Variants in CLN6 observed in about 807,000 individuals in gnomAD.
CLN6 encodes the protein ceroid-lipofuscinosis neuronal protein 6.
In CLN6, 22 loss-of-function variants were observed where a neutral mutation model predicts 33.3. The observed-to-expected ratio is 0.66, with a 90% CI of 0.47 to 0.94. CLN6 has a LOEUF of 0.94. Ranked by LOEUF, CLN6 falls within the 40% of genes least tolerant of loss-of-function variation. The probability of loss-of-function intolerance (pLI) is 0.00; values close to 1 mark genes in which losing one functional copy is unlikely to be tolerated. For synonymous variants in CLN6, 201 were observed against 174.6 expected, an observed-to-expected ratio of 1.15 and a Z score of -1.19; for missense variants, 387 against 417.1, an observed-to-expected ratio of 0.93 and a Z score of 0.63.
At chr15:68,244,813 G>A (rs1892313696) in intron 1 of CLN6, among the ~76,000 whole-genome samples, 2 of 152,030 alleles carry the variant, frequency 1.3e-5, no homozygotes, top group Admixed American at 6.6e-5. Flanking sequence ...CAGCACTTTC[G>A]GAGGCCAAGG....
At position 68,227,988 on chromosome 15, in the gene CLN6, G is replaced by C. The variant is rs928359087; in HGVS notation, c.83+1514C>G. On this transcript the variant is annotated intron_variant, in intron 1 of 6. Coordinates refer to ENST00000249806, the MANE Select transcript of CLN6 (RefSeq NM_017882.3). The surrounding 1 kb of genome is among the most constrained non-coding windows in gnomAD (Gnocchi z 4.1). Reference sequence around the variant, plus strand: ...AAGAGGGGAGCTGGTAAATGGGTTGGGTCACAGCAGAGATGAAACCACTGG... The same window carrying C: ...AAGAGGGGAGCTGGTAAATGGGTTGCGTCACAGCAGAGATGAAACCACTGG... Among the ~76,000 whole-genome samples the C allele has an allele frequency of 6.6e-6, 1 of 152,276 alleles. No homozygotes were observed. The highest frequency in any genetic ancestry group is 1.9e-4 in the East Asian group (1 of 5,178).
chr15:68,218,347 C>T (rs1266814355), intron 2 of CLN6, 189 bp downstream of exon 2: 2 of 545,476 alleles, frequency 3.7e-6, no homozygotes, highest in African/African-American at 1.9e-5. Context: ...ACTCTTCAGG[C>T]CCCCCACTTG....
At chr15:68,245,924 A>G (rs925499027) in intron 1 of CLN6, among the ~76,000 whole-genome samples, 3 of 152,194 alleles carry the variant, frequency 2.0e-5, no homozygotes, top group African/African-American at 7.2e-5. Flanking sequence ...CTATACTTAT[A>G]TTACATAAAA....
Position 68,208,275 on chromosome 15 carries a change from T to C in CLN6, c.801A>G (p.Ala267=), listed in dbSNP as rs901756486. The C allele has an allele frequency of 7.4e-6, 12 of 1,613,864 alleles. No individual in the cohort carries two copies. Among genetic ancestry groups the C allele is most frequent in the Non-Finnish European group, 8.5e-6 (10 of 1,180,026 alleles). ...SNGLFLFSSF[A]LTLLLVALWV... ...AGAGCGCCACAAGCAAGAGGGTCAG[T>C]GCGAAGGAGGAGAAGAGGAAGAGGC... Residue 267 remains alanine, a synonymous_variant, in exon 7 of 7, where the codon GCA becomes GCG. Coordinates refer to ENST00000249806, the MANE Select transcript of CLN6 (RefSeq NM_017882.3). This position sits in a 1 kb window ranked among gnomAD's most constrained non-coding sequence, Gnocchi z 5.8.
intron 1 of CLN6, among the ~76,000 whole-genome samples, chr15:68,223,733 T>G (rs962957278): frequency 2.6e-5 from 4 of 151,148 alleles, no homozygotes; most frequent in African/African-American, 7.3e-5. Context: ...CAGCCTAACT[T>G]AGTAGGACAG....
chr15:68,257,034 C>T lies in CLN6; in HGVS notation c.-166G>A, dbSNP rs1892445224. 19 of 505,996 alleles carry T rather than the reference C, an allele frequency of 3.8e-5. No homozygotes were observed. The South Asian group carries it at 6.0e-4, about 16-fold the overall frequency. The allele number at this position is 505,996 out of a possible 1,614,324, so 31.3% of individuals were successfully genotyped here. ...GCGACTGACGCAGAGGTCGCAATAC[C>T]GCTGGGGGCTGCCTGGTGCCATGCG... On this transcript the variant is annotated 5_prime_UTR_variant, in exon 1 of 7. Transcript: ENST00000538696.
intron 1 of CLN6, among the ~76,000 whole-genome samples, chr15:68,251,098 G>A (rs375849970): frequency 6.6e-6 from 1 of 152,144 alleles, no homozygotes; most frequent in Middle Eastern, 3.4e-3. Context: ...GGCTAAGCTG[G>A]ATTTATCCAA....
intron 1 of CLN6, among the ~76,000 whole-genome samples, chr15:68,245,168 T>A (rs181493544): frequency 4.0e-4 from 61 of 152,056 alleles, no homozygotes; most frequent in African/African-American, 1.4e-3. Flanking sequence ...TCTGCTCTTT[T>A]TTGTGATCTA....
At chr15:68,231,754 G>C (rs1004252777), upstream of CLN6, among the ~76,000 whole-genome samples, 6 of 152,258 alleles carry the variant, frequency 3.9e-5, no homozygotes, top group Admixed American at 2.6e-4. Flanking sequence ...GCTACCCCTT[G>C]AGGGGAGGGG....
At chr15:68,239,034 T>G (rs936851139) in intron 1 of CLN6, among the ~76,000 whole-genome samples, 1 of 152,190 alleles carries the variant, frequency 6.6e-6, no homozygotes, top group Non-Finnish European at 1.5e-5. Flanking sequence ...TAGAGAAGGT[T>G]CAAGTATTTG....
In CLN6 at chr15:68,218,559, C is replaced by T; in HGVS notation, c.175G>A (p.Asp59Asn). The change falls in exon 2 of 7, where the codon GAC (aspartate) becomes AAC (asparagine). Residue 59 changes from aspartate (D) to asparagine (N), a missense_variant. By Grantham distance (23) the Asp-to-Asn change is conservative. Coordinates refer to ENST00000249806, the MANE Select transcript of CLN6 (RefSeq NM_017882.3). ...FYFTLQNWVL[D>N]FGRPIAMLVF... is the part of the protein sequence containing the mutation. ...ACCATGGCAATGGGACGCCCAAAGT[C>T]CAGAACCCAGTTCTGCAGTGTGAAG... The T allele has an allele frequency of 6.2e-7, 1 of 1,613,846 alleles. No individual in the cohort carries two copies. The highest frequency in any genetic ancestry group is 8.5e-7 in the Non-Finnish European group (1 of 1,179,804).
intron 2 of CLN6, chr15:68,214,634 T>G: frequency 1.7e-5 from 8 of 484,582 alleles, no homozygotes; most frequent in East Asian, 3.9e-5. Flanking sequence ...GCAGATGCAA[T>G]TCCAGTCAAG....
chr15:68,225,664 T>G (rs1222684699), intron 1 of CLN6, among the ~76,000 whole-genome samples: 1 of 152,166 alleles, frequency 6.6e-6, no homozygotes, highest in Non-Finnish European at 1.5e-5. Context: ...TTTTTAAAAT[T>G]TTTCCTTTTT....
intron 1 of CLN6, among the ~76,000 whole-genome samples, chr15:68,224,265 C>CAAAAAAAAAAAAAAAAAAAAAAAAAAAA: frequency 2.1e-5 from 1 of 46,722 alleles, no homozygotes. Context: ...GACCTTATTG[C>CAAAAAAAAAAAAAAAAAAAAAAAAAAAA]AAAAAAAAAA....
chr15:68,255,732 C>G (rs1433950401), intron 1 of CLN6, among the ~76,000 whole-genome samples: 3 of 152,114 alleles, frequency 2.0e-5, no homozygotes, highest in Admixed American at 6.6e-5. Flanking sequence ...ATAAAAGAAA[C>G]AATATTTTGT....
rs1256239935 is a variant in CLN6 at position 68,251,834 on chromosome 15, T to C, written c.179+4856A>G. ...TCAAAAGAATGTTCAGACAAATTAT[T>C]AGAATTAATAAGAGAGTCCAGCAAG... is the stretch of plus-strand genomic sequence containing the variant. On this transcript the variant is annotated intron_variant, in intron 1 of 6. Coordinates refer to the CLN6 transcript ENST00000538696. Among the ~76,000 whole-genome samples the C allele has an allele frequency of 9.3e-5, 13 of 139,364 alleles. No homozygotes were observed. The Admixed American group carries it at 9.4e-4, about 10-fold the overall frequency. The allele number at this position is 139,364 out of a possible 152,430, so 91.4% of individuals were successfully genotyped here.
rs767297743 is a variant in CLN6 at position 68,209,769 on chromosome 15, G to A, written c.543-10C>T. 5 of 1,612,704 alleles carry A rather than the reference G, an allele frequency of 3.1e-6. No individual in the cohort carries two copies. The East Asian group carries it at 8.9e-5, about 29-fold the overall frequency. ...GAAGAAGGGGATGTACCTGTGACAG[G>A]AAGGCCAGTGTCTTAGAGGCCTGCT... On this transcript the variant is annotated splice_polypyrimidine_tract_variant and intron_variant, in intron 5 of 6. Coordinates refer to ENST00000249806, the MANE Select transcript of CLN6 (RefSeq NM_017882.3). This position sits in a 1 kb window ranked among gnomAD's most constrained non-coding sequence, Gnocchi z 4.9.
chr15:68,248,647 C>T (rs1323223873), intron 1 of CLN6, among the ~76,000 whole-genome samples: 8 of 124,908 alleles, frequency 6.4e-5, no homozygotes, highest in East Asian at 2.1e-4. Context: ...AGTGAGACTC[C>T]GTCTCAAAAA....
rs1221788627 is a variant in CLN6, at chr15:68,209,099, C to T, written c.665+538G>A. ...GACTGGCTGAGGCCTAAGTCCTCTG[C>T]AATGGGAAGAAGAGAGAGCCAGAGG... On this transcript the variant is annotated intron_variant, in intron 6 of 6. Transcript: ENST00000249806. The surrounding 1 kb of genome is among the most constrained non-coding windows in gnomAD (Gnocchi z 4.9). 1.3e-5 allele frequency among the ~76,000 whole-genome samples: 2 copies of T among 152,196 alleles called. No individual in the cohort carries two copies. Among genetic ancestry groups the T allele is most frequent in the Admixed American group, 6.5e-5 (1 of 15,288 alleles).
Sources: gnomAD v4.1 joint callset for allele counts (sites outside exome capture counted in the v4.1 genomes callset) on GRCh38, gnomAD v4.1.1 for gene constraint, Gnocchi (gnomAD v3.1) non-coding constraint, MANE v1.5 for transcripts, NCBI Gene and HGNC (gene_info 2026-07-23, HGNC 2026-07-21) for gene names.